Variants in TNFAIP2 observed in about 807,000 individuals in gnomAD.
The protein encoded by TNFAIP2 is TNF alpha induced protein 2, also known as tumor necrosis factor alpha-induced protein 2.
Under a neutral mutation model 63.5 loss-of-function variants are expected in TNFAIP2, and 47 were observed. The ratio of observed to expected loss-of-function variants is 0.74; its 90% confidence interval spans 0.59 to 0.94. TNFAIP2 has a LOEUF of 0.94. TNFAIP2 is among the 40% of genes least tolerant of loss of function. The pLI is 0.00. For synonymous variants in TNFAIP2, 405 were observed against 390.2 expected, an observed-to-expected ratio of 1.04 and a Z score of -0.45; for missense variants, 787 against 850.2, an observed-to-expected ratio of 0.93 and a Z score of 0.92.
intron 1 of TNFAIP2, among the ~76,000 whole-genome samples, chr14:103,124,800 G>A (rs1001947797): frequency 6.6e-6 from 1 of 152,364 alleles, no homozygotes; most frequent in Non-Finnish European, 1.5e-5. Flanking sequence ...TCCTGGAGTG[G>A]AATGCTCAAC....
intron 5 of TNFAIP2, 53 bp from the exon 6 acceptor site, chr14:103,130,262 T>C: frequency 6.5e-7 from 1 of 1,528,654 alleles, no homozygotes; most frequent in South Asian, 1.2e-5. Flanking sequence ...CCCCGTCCCC[T>C]GCCCCCTTGT....
At chr14:103,129,368 T>A (rs1434265989) in intron 3 of TNFAIP2, among the ~76,000 whole-genome samples, 1 of 151,808 alleles carries the variant, frequency 6.6e-6, no homozygotes, top group Non-Finnish European at 1.5e-5. Flanking sequence ...AAGGAATTGT[T>A]GGAGGTGAGG....
At position 103,131,712 on chromosome 14, in the gene TNFAIP2, A is replaced by C; in HGVS notation, c.1372A>C (p.Lys458Gln). The C allele has an allele frequency of 1.2e-5, 20 of 1,611,432 alleles. No individual in the cohort carries two copies. Among genetic ancestry groups the C allele is most frequent in the Non-Finnish European group, 1.7e-5 (20 of 1,179,744 alleles). ...SLLLGPLGEL[K>Q]SHGFDTLLQN... ...CCTGCTGGGCCCCCTGGGTGAGCTC[A>C]AGAGCCACGGCTTTGACACCCTGCT... Residue 458 changes from lysine to glutamine, a missense_variant, in exon 8 of 12, where the codon AAG becomes CAG. By Grantham distance (53) the Lys-to-Gln change is moderately conservative (BLOSUM62 1). Coordinates refer to ENST00000560869, the MANE Select transcript of TNFAIP2 (RefSeq NM_006291.4). This position sits in a 1 kb window ranked among gnomAD's most constrained non-coding sequence, Gnocchi z 4.0.
At position 103,135,529 on chromosome 14, in the gene TNFAIP2, AC is replaced by A. The variant is rs1384332209; in HGVS notation, c.*170del. The A allele has an allele frequency of 4.1e-6, 6 of 1,471,082 alleles. No homozygotes were observed. In the African/African-American group the frequency reaches 8.5e-5, roughly 21 times the overall value. The allele number at this position is 1,471,082 out of a possible 1,614,324, so 91.1% of individuals were successfully genotyped here. ...TGCAGGCCCTGTCAGCTGGAACTGG[AC>A]AGACCTTGGTTTGTTTACATGTCCG... On this transcript the variant is annotated 3_prime_UTR_variant, in exon 12 of 12. Coordinates refer to ENST00000560869, the MANE Select transcript of TNFAIP2 (RefSeq NM_006291.4). The surrounding 1 kb of genome is among the most constrained non-coding windows in gnomAD (Gnocchi z 7.6).
At chr14:103,133,893 T>G in intron 11 of TNFAIP2, 90 bp downstream of exon 11, 3 of 1,462,600 alleles carry the variant, frequency 2.1e-6, no homozygotes, top group Non-Finnish European at 2.7e-6. Context: ...TCCTGGCAGC[T>G]GCCCACGTGC....
chr14:103,132,623 G>A, intron 8 of TNFAIP2, 127 bp from the exon 9 acceptor site: 1 of 1,424,512 alleles, frequency 7.0e-7, no homozygotes, highest in Non-Finnish European at 9.5e-7. Flanking sequence ...GGGAGTCCTT[G>A]AGTGCCCCCC....
Position 103,127,585 on chromosome 14 carries a change from C to T in TNFAIP2, c.816C>T (p.Arg272=), listed in dbSNP as rs2087887371. The change falls in exon 3 of 12, where the codon CGC becomes CGT. Residue 272 remains arginine, a synonymous_variant. Transcript: ENST00000560869. The surrounding 1 kb of genome is among the most constrained non-coding windows in gnomAD (Gnocchi z 5.1). ...AAVAQFELCE[R]DTYMLLLWVQ... Reference sequence around the variant, plus strand: ...TGGCGCAGTTCGAGCTGTGCGAGCGCGACACCTACATGCTGCTGCTCTGGG... The same window carrying T: ...TGGCGCAGTTCGAGCTGTGCGAGCGTGACACCTACATGCTGCTGCTCTGGG... 5 of 1,557,322 alleles carry T rather than the reference C, an allele frequency of 3.2e-6. 1 individual carries two copies. The Admixed American group carries it at 7.4e-5, about 23-fold the overall frequency.
chr14:103,129,477 T>G (rs1199563305), intron 3 of TNFAIP2, among the ~76,000 whole-genome samples: 1 of 135,978 alleles, frequency 7.4e-6, no homozygotes, highest in Non-Finnish European at 1.6e-5. Context: ...CTGCTGATTT[T>G]GGGGGCTATT....
chr14:103,135,502 G>A lies in TNFAIP2; in HGVS notation c.*142G>A, dbSNP rs1166758473. ...GCTACTTCTGCCTAGCCCTGGCGGA[G>A]GTGCAGGCCCTGTCAGCTGGAACTG... On this transcript the variant is annotated 3_prime_UTR_variant, in exon 12 of 12. Transcript: ENST00000560869. This position sits in a 1 kb window ranked among gnomAD's most constrained non-coding sequence, Gnocchi z 7.6. 1 of 1,495,540 alleles carries A rather than the reference G, an allele frequency of 6.7e-7. No homozygotes were observed. Among genetic ancestry groups the A allele is most frequent in the Non-Finnish European group, 8.8e-7 (1 of 1,131,872 alleles). 92.6% of individuals were successfully genotyped at this position (1,495,540 alleles called of 1,614,324 possible).
At chr14:103,129,699 T>C (rs753223777) in intron 3 of TNFAIP2, 41 bp from the exon 4 acceptor site, 11 of 1,571,416 alleles carry the variant, frequency 7.0e-6, no homozygotes, top group Non-Finnish European at 5.3e-6. Context: ...GTGGTGCTGA[T>C]TTGGTATAGT....
At position 103,130,083 on chromosome 14, in the gene TNFAIP2, G is replaced by T; in HGVS notation, c.1057G>T (p.Asp353Tyr). The change falls in exon 5 of 12, where the codon GAC (aspartate) becomes TAC (tyrosine). Residue 353 changes from aspartate (D) to tyrosine (Y), a missense_variant. By Grantham distance (160) the Asp-to-Tyr change is radical (BLOSUM62 -3). Transcript: ENST00000560869. ...WAEDVPPQRL[D>Y]GHCHSELAID... ...TGAGGATGTGCCTCCCCAGAGGCTG[G>T]ACGGCCACTGCCACAGCGAGCTGGC... The T allele has an allele frequency of 6.2e-7, 1 of 1,613,334 alleles. No homozygotes were observed. Among genetic ancestry groups the T allele is most frequent in the Non-Finnish European group, 8.5e-7 (1 of 1,179,862 alleles).
intron 1 of TNFAIP2, among the ~76,000 whole-genome samples, chr14:103,125,201 G>A (rs1292563414): frequency 6.6e-6 from 1 of 152,218 alleles, no homozygotes; most frequent in Non-Finnish European, 1.5e-5. Flanking sequence ...TGGCATCAAG[G>A]TTACAGGTCA....
chr14:103,124,184 CA>C, intron 1 of TNFAIP2, among the ~76,000 whole-genome samples: 3 of 152,350 alleles, frequency 2.0e-5, no homozygotes, highest in Middle Eastern at 6.8e-3. Flanking sequence ...CACTGAGGCC[CA>C]GCTAGGCGCC....
At position 103,123,930 on chromosome 14, in the gene TNFAIP2, C is replaced by G. The variant is rs905034934; in HGVS notation, c.-170C>G. 6.6e-6 allele frequency: 1 copy of G among 152,446 alleles called. No individual in the cohort carries two copies. The highest frequency in any genetic ancestry group is 2.4e-5 in the African/African-American group (1 of 41,468). The allele number at this position is 152,446 out of a possible 1,614,324, so 9.4% of individuals were successfully genotyped here. On this transcript the variant is annotated 5_prime_UTR_variant, in exon 1 of 12. Coordinates refer to ENST00000560869, the MANE Select transcript of TNFAIP2 (RefSeq NM_006291.4). The stretch of plus-strand genomic sequence containing the variant: ...TCCCGGGAGGTGTGTGGACATCAGC[C>G]CTGACGGGGAAGGCGAGCCAGGTCA...
At chr14:103,129,694 G>A (rs1175116005) in intron 3 of TNFAIP2, 46 bp from the exon 4 acceptor site, 7 of 1,563,120 alleles carry the variant, frequency 4.5e-6, no homozygotes, top group Non-Finnish European at 6.2e-6. Flanking sequence ...GAGTGGTGGT[G>A]CTGATTTGGT....
In TNFAIP2 at chr14:103,132,813, A is replaced by C. The variant is rs1173267226; in HGVS notation, c.1486A>C (p.Ile496Leu). 1.2e-6 allele frequency: 2 copies of C among 1,614,074 alleles called. No individual in the cohort carries two copies. Among genetic ancestry groups the C allele is most frequent in the Non-Finnish European group, 8.5e-7 (1 of 1,179,970 alleles). The change falls in exon 9 of 12, where the codon ATC (isoleucine) becomes CTC (leucine). Residue 496 changes from isoleucine to leucine, a missense_variant. Ile to Leu is a conservative substitution (Grantham distance 5, BLOSUM62 2). Coordinates refer to ENST00000560869, the MANE Select transcript of TNFAIP2 (RefSeq NM_006291.4). ...AAPVETLENI[I>L]ATVDTRLPEF... is the part of the protein sequence containing the mutation. ...CCCTGTGGAGACCCTGGAAAACATC[A>C]TCGCCACTGTAGACACGAGGCTGCC...
At chr14:103,132,727 A>G (rs750287571) in intron 8 of TNFAIP2, 23 bp from the exon 9 acceptor site, 2 of 1,607,990 alleles carry the variant, frequency 1.2e-6, no homozygotes, top group East Asian at 2.2e-5. Flanking sequence ...GCGTGACTAG[A>G]CATCCTGCCT....
In TNFAIP2 at chr14:103,131,667, C is replaced by A. The variant is rs777555606; in HGVS notation, c.1327C>A (p.Pro443Thr). The A allele has an allele frequency of 2.5e-6, 4 of 1,601,374 alleles. No individual in the cohort carries two copies. In the South Asian group the frequency reaches 3.3e-5, roughly 13 times the overall value. The change falls in exon 8 of 12, where the codon CCC becomes ACC. Residue 443 changes from proline to threonine, a missense_variant. By Grantham distance (38) the Pro-to-Thr change is conservative. Coordinates refer to ENST00000560869, the MANE Select transcript of TNFAIP2 (RefSeq NM_006291.4). This position sits in a 1 kb window ranked among gnomAD's most constrained non-coding sequence, Gnocchi z 4.0. The part of the protein sequence containing the change: ...RMSMEQNWQV[P>T]QDTLSLLLGP... ...GTCCATGGAGCAGAATTGGCAGGTA[C>A]CCCAGGACACCCTGAGCCTCCTGCT...
chr14:103,124,385 G>A (rs1288593805), intron 1 of TNFAIP2: 1 of 152,418 alleles, frequency 6.6e-6, no homozygotes, highest in East Asian at 1.9e-4. Context: ...CTGCCTCGGA[G>A]AGCGGAGACC....
Sources: allele counts gnomAD v4.1 joint callset (sites outside exome capture counted in the v4.1 genomes callset), GRCh38; gene constraint gnomAD v4.1.1; non-coding constraint Gnocchi (gnomAD v3.1); transcripts MANE v1.5; gene names NCBI Gene and HGNC (gene_info 2026-07-23, HGNC 2026-07-21).